The following RBFOX1 variants were observed in gnomAD, a reference collection of about 807,000 sequenced individuals.
RBFOX1 encodes RNA binding fox-1 homolog 1, also known as RNA binding protein fox-1 homolog 1.
RBFOX1 carries 8 observed loss-of-function variants against 57.7 expected under a neutral mutation model. The ratio of observed to expected loss-of-function variants is 0.14; its 90% CI spans 0.08 to 0.25. The LOEUF is 0.25. Ranked by LOEUF, RBFOX1 falls within the 10% of genes least tolerant of loss-of-function variation. The pLI is 1.00. For synonymous variants in RBFOX1, 326 were observed against 222.4 expected (o/e 1.47, Z -4.15); for missense variants, 611 against 548.5 (o/e 1.11, Z -1.14).
intron 7 of RBFOX1, among the ~76,000 whole-genome samples, chr16:7,589,909 C>CT (rs1555639516): frequency 4.6e-5 from 2 of 43,158 alleles, no homozygotes; most frequent in Non-Finnish European, 1.2e-4. Flanking sequence ...GCTGTGTGTG[C>CT]TGGGTGTGTG....
chr16:6,643,075 T>G lies in RBFOX1; in HGVS notation c.-63-11528T>G, dbSNP rs182972538. 3.9e-5 allele frequency among the ~76,000 whole-genome samples: 6 copies of G among 152,204 alleles called. No individual in the cohort carries two copies. The East Asian group carries it at 1.2e-3, about 29-fold the overall frequency. ...CACGCTGAACCTTCTTAAACACATATTAATGAAATGTCTCCTCAAATGATC... is the reference window on the plus strand; with the variant it reads ...CACGCTGAACCTTCTTAAACACATAGTAATGAAATGTCTCCTCAAATGATC... On this transcript the variant is annotated intron_variant, in intron 2 of 15. Coordinates refer to ENST00000550418, the MANE Select transcript of RBFOX1 (RefSeq NM_018723.4).
At chr16:6,999,237 T>C (rs2092575430) in intron 3 of RBFOX1, among the ~76,000 whole-genome samples, 2 of 147,232 alleles carry the variant, frequency 1.4e-5, no homozygotes. Flanking sequence ...TTATTTTTTT[T>C]TTTAGAGATC....
At chr16:7,204,890 G>C (rs562018463) in intron 4 of RBFOX1, among the ~76,000 whole-genome samples, 1 of 152,020 alleles carries the variant, frequency 6.6e-6, no homozygotes, top group Non-Finnish European at 1.5e-5. Context: ...GACTGTTTTG[G>C]ATATATTCAT....
chr16:6,179,641 A>G (rs1021560232), intron 1 of RBFOX1, among the ~76,000 whole-genome samples: 1 of 152,198 alleles, frequency 6.6e-6, no homozygotes, highest in African/African-American at 2.4e-5. Flanking sequence ...AACACCCAAC[A>G]GCACCTGCTG....
At chr16:5,417,381 A>T (rs530782321) in intron 1 of RBFOX1, among the ~76,000 whole-genome samples, 1 of 152,366 alleles carries the variant, frequency 6.6e-6, no homozygotes, top group South Asian at 2.1e-4. Context: ...CAAAACAGGC[A>T]TGATTGACAA....
At chr16:7,069,956 A>G (rs1193258574) in intron 4 of RBFOX1, among the ~76,000 whole-genome samples, 1 of 152,232 alleles carries the variant, frequency 6.6e-6, no homozygotes, top group Non-Finnish European at 1.5e-5. Flanking sequence ...GAGAAACACC[A>G]TAGCCTAATA....
At chr16:7,627,734 C>T (rs2060296915) in intron 10 of RBFOX1, among the ~76,000 whole-genome samples, 1 of 152,190 alleles carries the variant, frequency 6.6e-6, no homozygotes. Flanking sequence ...GCAGTGTTCT[C>T]TGCTGCTTTG....
chr16:7,328,799 A>G (rs2096646902), intron 4 of RBFOX1: 1 of 152,148 alleles, frequency 6.6e-6, no homozygotes, highest in Non-Finnish European at 1.5e-5. Context: ...GGAACAGCAA[A>G]GGAGCGAGTA....
chr16:5,407,410 A>G (rs1596904169), intron 1 of RBFOX1, among the ~76,000 whole-genome samples: 2 of 152,228 alleles, frequency 1.3e-5, no homozygotes, highest in South Asian at 2.1e-4. Flanking sequence ...AGGTGGAGGG[A>G]AAAACAAGAG....
intron 2 of RBFOX1, among the ~76,000 whole-genome samples, chr16:6,624,834 C>T (rs566115274): frequency 1.3e-5 from 2 of 152,120 alleles, no homozygotes; most frequent in South Asian, 2.1e-4. Context: ...CCATGTATAA[C>T]CCCCCATGTA....
intron 4 of RBFOX1, among the ~76,000 whole-genome samples, chr16:5,984,522 G>T (rs1443105896): frequency 6.6e-6 from 1 of 152,006 alleles, no homozygotes; most frequent in Non-Finnish European, 1.5e-5. Flanking sequence ...TATGCAAAAG[G>T]TTTCATTGAC....
chr16:7,336,081 T>C (rs1253605473), intron 4 of RBFOX1, among the ~76,000 whole-genome samples: 1 of 152,216 alleles, frequency 6.6e-6, no homozygotes, highest in Non-Finnish European at 1.5e-5. Context: ...TAACACTACT[T>C]ATTTCTGAAT....
chr16:5,306,718 C>G (rs1222632514), intron 1 of RBFOX1, among the ~76,000 whole-genome samples: 3 of 152,210 alleles, frequency 2.0e-5, no homozygotes, highest in African/African-American at 7.2e-5. Context: ...CACGCCCATG[C>G]TGCCCTGCCC....
At chr16:5,896,793 T>C (rs1175913371) in intron 4 of RBFOX1, among the ~76,000 whole-genome samples, 3 of 152,084 alleles carry the variant, frequency 2.0e-5, no homozygotes, top group Non-Finnish European at 4.4e-5. Flanking sequence ...CTTTAGTATG[T>C]GGCATCCAGT....
chr16:6,481,003 A>C (rs118152080), intron 2 of RBFOX1, among the ~76,000 whole-genome samples: 2,903 of 152,310 alleles, frequency 0.019, 47 homozygotes, highest in Middle Eastern at 0.082. Context: ...ATATCCAAAC[A>C]TATCCACAAA....
chr16:7,358,729 C>G (rs1008952434), intron 4 of RBFOX1, among the ~76,000 whole-genome samples: 1 of 152,094 alleles, frequency 6.6e-6, no homozygotes, highest in African/African-American at 2.4e-5. Context: ...CTCTTAAGTA[C>G]TTTTTATATG....
intron 3 of RBFOX1, among the ~76,000 whole-genome samples, chr16:6,939,669 A>G (rs548356442): frequency 1.3e-5 from 2 of 151,888 alleles, no homozygotes; most frequent in South Asian, 4.2e-4. Context: ...GTGCTACCAT[A>G]CCCAGCTAAT....
intron 4 of RBFOX1, among the ~76,000 whole-genome samples, chr16:7,390,497 A>C (rs911858364): frequency 6.6e-6 from 1 of 152,220 alleles, no homozygotes; most frequent in Non-Finnish European, 1.5e-5. Flanking sequence ...TCATCTGTTC[A>C]AAAGAATACC....
chr16:6,999,151 G>C (rs1203261554), intron 3 of RBFOX1, among the ~76,000 whole-genome samples: 1 of 150,350 alleles, frequency 6.7e-6, no homozygotes, highest in Non-Finnish European at 1.5e-5. Flanking sequence ...TTACAGGTGT[G>C]AGCCACTGAG....
Sources: gnomAD v4.1 joint callset for allele counts (sites outside exome capture counted in the v4.1 genomes callset) on GRCh38, gnomAD v4.1.1 for gene constraint, MANE v1.5 for transcripts, NCBI Gene and HGNC (gene_info 2026-07-23, HGNC 2026-07-21) for gene names.